Variants in PCDHGA5 observed in about 807,000 individuals in gnomAD.
The protein encoded by PCDHGA5 is protocadherin gamma subfamily A, 5.
In PCDHGA5, 36 loss-of-function variants were observed where a neutral mutation model predicts 56.7. That is an observed-to-expected ratio of 0.64 (90% CI 0.49 to 0.84). The LOEUF is 0.84. PCDHGA5 is among the 40% of genes least tolerant of loss of function. PCDHGA5 has a pLI of 0.00. For synonymous variants in PCDHGA5, 563 were observed against 520.2 expected, an observed-to-expected ratio of 1.08 and a Z score of -1.12; for missense variants, 1,305 against 1,201.5, an observed-to-expected ratio of 1.09 and a Z score of -1.27.
intron 1 of PCDHGA5, among the ~76,000 whole-genome samples, chr5:141,481,148 C>G (rs2099532606): frequency 6.6e-6 from 1 of 152,176 alleles, no homozygotes; most frequent in Non-Finnish European, 1.5e-5. Context: ...AAGTGTTATT[C>G]TGGTATTTGC....
At chr5:141,415,094 A>G in intron 1 of PCDHGA5, 1 of 1,613,530 alleles carries the variant, frequency 6.2e-7, no homozygotes, top group Non-Finnish European at 8.5e-7. Flanking sequence ...CTGGACAGAG[A>G]CGCGCTCAAG....
Position 141,399,399 on chromosome 5 carries a change from C to T in PCDHGA5, c.2421+32648C>T, listed in dbSNP as rs1282174658. 1.9e-6 allele frequency: 3 copies of T among 1,613,902 alleles called. No individual in the cohort carries two copies. The Admixed American group carries it at 5.0e-5, about 27-fold the overall frequency. The stretch of plus-strand genomic sequence containing the variant: ...TCACCATCACAGCCACAGACAGGGG[C>T]AAGCCGCCCCTCTCCTCCAGCATAA... On this transcript the variant is annotated intron_variant, in intron 1 of 3. Transcript: ENST00000518069.
At position 141,485,402 on chromosome 5, in the gene PCDHGA5, G is replaced by T. The variant is rs375700791; in HGVS notation, c.2422-9405G>T. ...AGAGGTGAACCAAAGACACTTCCGTGTGGATTTGGACAGCGGAGCCCTGCT... is the reference window on the plus strand; with the variant it reads ...AGAGGTGAACCAAAGACACTTCCGTTTGGATTTGGACAGCGGAGCCCTGCT... On this transcript the variant is annotated intron_variant, in intron 1 of 3. Coordinates refer to ENST00000518069, the MANE Select transcript of PCDHGA5 (RefSeq NM_018918.3). This position sits in a 1 kb window ranked among gnomAD's most constrained non-coding sequence, Gnocchi z 5.7. The T allele has an allele frequency of 6.2e-7, 1 of 1,614,194 alleles. No homozygotes were observed. Among genetic ancestry groups the T allele is most frequent in the East Asian group, 2.2e-5 (1 of 44,878 alleles).
intron 1 of PCDHGA5, among the ~76,000 whole-genome samples, chr5:141,445,668 G>C (rs899062385): frequency 6.6e-6 from 1 of 152,156 alleles, no homozygotes; most frequent in Non-Finnish European, 1.5e-5. Flanking sequence ...ATGAGTAGAA[G>C]TTATCTAGGT....
chr5:141,372,910 A>AT, intron 1 of PCDHGA5: 1 of 1,053,676 alleles, frequency 9.5e-7, no homozygotes, highest in East Asian at 2.6e-5. Flanking sequence ...TGATTACATT[A>AT]TTTTATTGAT....
At position 141,489,181 on chromosome 5, in the gene PCDHGA5, T is replaced by C; in HGVS notation, c.2422-5626T>C. The C allele has an allele frequency of 1.6e-6, 2 of 1,259,546 alleles. No homozygotes were observed. The highest frequency in any genetic ancestry group is 2.2e-6 in the Non-Finnish European group (2 of 905,040). The allele number at this position is 1,259,546 out of a possible 1,614,324, so 78.0% of individuals were successfully genotyped here. ...ACTTCAGCTGCTGCATTCCAAGCCC[T>C]GGGTCTACCTTGGAGACAGGACAGC... On this transcript the variant is annotated intron_variant, in intron 1 of 3. Transcript: ENST00000518069. This position sits in a 1 kb window ranked among gnomAD's most constrained non-coding sequence, Gnocchi z 4.5.
In PCDHGA5 at chr5:141,432,017, A is replaced by G. The variant is rs372826902; in HGVS notation, c.2422-62790A>G. The stretch of plus-strand genomic sequence containing the variant: ...TAGGGAACAGGTTCCTAGCTACAAC[A>G]TCACAGTGACCGCCACTGACCGGGG... On this transcript the variant is annotated intron_variant, in intron 1 of 3. Coordinates refer to ENST00000518069, the MANE Select transcript of PCDHGA5 (RefSeq NM_018918.3). This position sits in a 1 kb window ranked among gnomAD's most constrained non-coding sequence, Gnocchi z 6.0. The G allele has an allele frequency of 6.2e-7, 1 of 1,614,224 alleles. No individual in the cohort carries two copies. Among genetic ancestry groups the G allele is most frequent in the Non-Finnish European group, 8.5e-7 (1 of 1,180,038 alleles).
Position 141,374,036 on chromosome 5 carries a change from T to A in PCDHGA5, c.2421+7285T>A, listed in dbSNP as rs1197277740. On this transcript the variant is annotated intron_variant, in intron 1 of 3. Coordinates refer to ENST00000518069, the MANE Select transcript of PCDHGA5 (RefSeq NM_018918.3). The stretch of plus-strand genomic sequence containing the variant: ...CTGAGAAGAGCAAAAGTGATGCAGA[T>A]CTGTTCTTCCTCTTCTTAATCCCAG... 3.5e-6 allele frequency: 5 copies of A among 1,445,796 alleles called. No individual in the cohort carries two copies. In the Admixed American group the frequency reaches 1.1e-4, roughly 32 times the overall value. 89.6% of individuals were successfully genotyped at this position (1,445,796 alleles called of 1,614,324 possible). A position where few individuals can be genotyped will look rare whatever the true frequency, so the allele number is the denominator to read the frequency against.
intron 1 of PCDHGA5, among the ~76,000 whole-genome samples, chr5:141,460,801 ATATGTATG>A (rs2098998171): frequency 6.6e-6 from 1 of 152,010 alleles, no homozygotes; most frequent in Non-Finnish European, 1.5e-5. Context: ...CAAAGTATAT[ATATGTATG>A]TATACATATA....
rs1307889557 is a variant in PCDHGA5, at chr5:141,486,267, C to G, written c.2422-8540C>G. On this transcript the variant is annotated intron_variant, in intron 1 of 3. Transcript: ENST00000518069. The surrounding 1 kb of genome is among the most constrained non-coding windows in gnomAD (Gnocchi z 5.0). ...GGAACCCTCCCCGAGAGTGCAGAAC[C>G]TGGCACTGTGGTGGCACTTATCAGT... 1 of 1,614,128 alleles carries G rather than the reference C, an allele frequency of 6.2e-7. No homozygotes were observed. Among genetic ancestry groups the G allele is most frequent in the South Asian group, 1.1e-5 (1 of 91,072 alleles).
At chr5:141,407,549 T>C (rs1159197129) in intron 1 of PCDHGA5, among the ~76,000 whole-genome samples, 4 of 151,912 alleles carry the variant, frequency 2.6e-5, no homozygotes, top group African/African-American at 9.7e-5. Flanking sequence ...TAACAGATTG[T>C]AGAACATAAG....
intron 1 of PCDHGA5, chr5:141,419,095 G>A (rs1478382101): frequency 1.2e-6 from 2 of 1,613,816 alleles, no homozygotes; most frequent in African/African-American, 2.7e-5. Context: ...CCCTGGATCG[G>A]GAGCAGACCC....
chr5:141,397,223 TATG>T lies in PCDHGA5; in HGVS notation c.2421+30474_2421+30476del, dbSNP rs543267212. ...ATGACATAAGAGAAGTATTTTGAGA[TATG>T]AAGAAGAGCAACGTAGTAGGGTATA... is the stretch of plus-strand genomic sequence containing the variant. On this transcript the variant is annotated intron_variant, in intron 1 of 3. Coordinates refer to ENST00000518069, the MANE Select transcript of PCDHGA5 (RefSeq NM_018918.3). Among the ~76,000 whole-genome samples, 432 of 152,304 alleles carry T rather than the reference TATG, an allele frequency of 2.8e-3. 2 individuals carry two copies. Among genetic ancestry groups the T allele is most frequent in the Admixed American group, 9.4e-3 (144 of 15,310 alleles).
At chr5:141,438,303 T>G (rs2097949191) in intron 1 of PCDHGA5, among the ~76,000 whole-genome samples, 1 of 152,068 alleles carries the variant, frequency 6.6e-6, no homozygotes, top group African/African-American at 2.4e-5. Flanking sequence ...TAAAAGAAGT[T>G]GGTACCACCA....
At chr5:141,404,565 G>C in intron 1 of PCDHGA5, 2 of 1,613,910 alleles carry the variant, frequency 1.2e-6, no homozygotes. Flanking sequence ...AGTGACAGTG[G>C]AAGCCCACCA....
chr5:141,400,345 A>C lies in PCDHGA5; in HGVS notation c.2421+33594A>C, dbSNP rs757500171. On this transcript the variant is annotated intron_variant, in intron 1 of 3. Transcript: ENST00000518069. ...TGGACCTGTGGTTCCCCCCAACTACAGTCAGGGGACTTTGCCTTATTCCTA... is the reference window on the plus strand; with the variant it reads ...TGGACCTGTGGTTCCCCCCAACTACCGTCAGGGGACTTTGCCTTATTCCTA... 1.9e-6 allele frequency: 3 copies of C among 1,614,040 alleles called. No homozygotes were observed. In the South Asian group the frequency reaches 3.3e-5, roughly 18 times the overall value.
chr5:141,510,400 TA>T (rs780031896), intron 3 of PCDHGA5, among the ~76,000 whole-genome samples: 12 of 151,920 alleles, frequency 7.9e-5, no homozygotes, highest in Non-Finnish European at 1.3e-4. Flanking sequence ...TGGCAAAGGC[TA>T]GGGGCATGTA....
Position 141,476,472 on chromosome 5 carries a change from T to C in PCDHGA5, c.2422-18335T>C. On this transcript the variant is annotated intron_variant, in intron 1 of 3. Coordinates refer to ENST00000518069, the MANE Select transcript of PCDHGA5 (RefSeq NM_018918.3). The surrounding 1 kb of genome is among the most constrained non-coding windows in gnomAD (Gnocchi z 7.6). The stretch of plus-strand genomic sequence containing the variant: ...GTAGTGGAGAACCCGCTGGAGCTGT[T>C]CAGCGTGGAAGTGGTGATCCAGGAC... 1 of 1,614,098 alleles carries C rather than the reference T, an allele frequency of 6.2e-7. No homozygotes were observed. The highest frequency in any genetic ancestry group is 8.5e-7 in the Non-Finnish European group (1 of 1,180,024).
chr5:141,386,566 T>C (rs577943993), intron 1 of PCDHGA5, among the ~76,000 whole-genome samples: 30 of 152,200 alleles, frequency 2.0e-4, no homozygotes, highest in African/African-American at 7.2e-4. Flanking sequence ...TTGCACATGA[T>C]AGACTCTGTA....
Sources: allele counts gnomAD v4.1 joint callset (sites outside exome capture counted in the v4.1 genomes callset), GRCh38; gene constraint gnomAD v4.1.1; non-coding constraint Gnocchi (gnomAD v3.1); transcripts MANE v1.5; gene names NCBI Gene and HGNC (gene_info 2026-07-23, HGNC 2026-07-21).